Variants in DGKB observed in about 807,000 individuals in gnomAD.
The protein encoded by DGKB is diacylglycerol kinase beta.
A neutral mutation model predicts 114.3 loss-of-function variants in DGKB; 67 were observed. That is an observed-to-expected ratio of 0.59 (90% CI 0.48 to 0.72). DGKB has a LOEUF of 0.72. Among genes scored for constraint, DGKB ranks in the 30% least tolerant of loss-of-function variants. The probability of loss-of-function intolerance (pLI) is 0.00; values close to 1 mark genes in which losing one functional copy is unlikely to be tolerated. For missense variants in DGKB, 907 were observed against 975.2 expected (o/e 0.93, Z 0.93); for synonymous variants, 398 against 323.1 (o/e 1.23, Z -2.49).
intron 21 of DGKB, among the ~76,000 whole-genome samples, chr7:14,474,829 T>G (rs1260823710): frequency 5.9e-5 from 3 of 50,444 alleles, no homozygotes; most frequent in Non-Finnish European, 1.4e-4. Flanking sequence ...AATATTTAGT[T>G]TTTTTTTTTC....
chr7:14,889,644 T>G (rs547490576), intron 1 of DGKB, among the ~76,000 whole-genome samples: 1 of 151,264 alleles, frequency 6.6e-6, no homozygotes, highest in South Asian at 2.1e-4. Context: ...TTTTTCTCAT[T>G]GTAAAAGAAA....
At chr7:14,707,376 T>G (rs1183229962) in intron 6 of DGKB, among the ~76,000 whole-genome samples, 3 of 148,706 alleles carry the variant, frequency 2.0e-5, no homozygotes, top group Non-Finnish European at 4.5e-5. Context: ...ACAGCCGAAT[T>G]CTACCAGAGG....
At chr7:14,440,864 C>A (rs1262836481) in intron 21 of DGKB, among the ~76,000 whole-genome samples, 1 of 152,036 alleles carries the variant, frequency 6.6e-6, no homozygotes, top group Non-Finnish European at 1.5e-5. Flanking sequence ...GCTTTTGCTA[C>A]CTGATTCATG....
chr7:14,716,723 A>G (rs188012287), intron 6 of DGKB, among the ~76,000 whole-genome samples: 1 of 152,246 alleles, frequency 6.6e-6, no homozygotes, highest in Admixed American at 6.6e-5. Flanking sequence ...TATTTAATTG[A>G]CACAGGAAAG....
intron 2 of DGKB, among the ~76,000 whole-genome samples, chr7:14,821,327 A>G (rs1263477457): frequency 6.6e-6 from 1 of 152,194 alleles, no homozygotes; most frequent in African/African-American, 2.4e-5. Flanking sequence ...TAAGTAAACT[A>G]TCTTCAGAAA....
At chr7:14,342,937 T>G (rs1165633152) in intron 22 of DGKB, among the ~76,000 whole-genome samples, 2 of 151,872 alleles carry the variant, frequency 1.3e-5, no homozygotes, top group Non-Finnish European at 2.9e-5. Flanking sequence ...GAGGTTCTGT[T>G]TTTACTGAAG....
intron 20 of DGKB, among the ~76,000 whole-genome samples, chr7:14,548,934 A>T (rs973633190): frequency 2.0e-5 from 3 of 152,020 alleles, no homozygotes; most frequent in Admixed American, 1.3e-4. Flanking sequence ...GTTCTAGATG[A>T]GTGATCTAGG....
intron 2 of DGKB, among the ~76,000 whole-genome samples, chr7:14,767,052 C>T (rs1349272492): frequency 1.3e-5 from 2 of 151,012 alleles, no homozygotes; most frequent in African/African-American, 2.4e-5. Context: ...CAAATATAGG[C>T]AACTCATTCA....
intron 1 of DGKB, among the ~76,000 whole-genome samples, chr7:14,900,916 A>G (rs1462569694): frequency 6.6e-6 from 1 of 152,148 alleles, no homozygotes; most frequent in Non-Finnish European, 1.5e-5. Context: ...GTATTAGGGA[A>G]CTGCTTGCAA....
chr7:14,675,198 A>G (rs1819634757), intron 12 of DGKB, among the ~76,000 whole-genome samples: 1 of 152,106 alleles, frequency 6.6e-6, no homozygotes, highest in South Asian at 2.1e-4. Flanking sequence ...TACAGTGTAA[A>G]GCTAAACACG....
chr7:14,325,511 G>C (rs1056491399), intron 23 of DGKB, among the ~76,000 whole-genome samples: 12 of 152,162 alleles, frequency 7.9e-5, no homozygotes, highest in Non-Finnish European at 1.6e-4. Flanking sequence ...CCTGAAAAGA[G>C]TGAACTGTAC....
intron 1 of DGKB, among the ~76,000 whole-genome samples, chr7:14,895,215 T>A (rs1382204058): frequency 6.6e-6 from 1 of 151,640 alleles, no homozygotes; most frequent in African/African-American, 2.4e-5. Context: ...ATGTGGGAGT[T>A]ATGTTTTTGA....
chr7:14,746,744 C>G (rs1833346198), intron 4 of DGKB, among the ~76,000 whole-genome samples: 1 of 152,202 alleles, frequency 6.6e-6, no homozygotes, highest in Admixed American at 6.5e-5. Flanking sequence ...GGTGATCCAT[C>G]TGCCTCGGCC....
intron 1 of DGKB, among the ~76,000 whole-genome samples, chr7:14,923,983 CAA>C (rs56032330): frequency 0.053 from 4,026 of 76,114 alleles, 142 homozygotes; most frequent in South Asian, 0.11. Context: ...AGCTCCATCT[CAA>C]AAAAAAAAAA....
At chr7:14,838,155 T>C (rs933280917) in intron 2 of DGKB, among the ~76,000 whole-genome samples, 1 of 152,214 alleles carries the variant, frequency 6.6e-6, no homozygotes, top group Non-Finnish European at 1.5e-5. Flanking sequence ...TTATTACTGA[T>C]TTGTGTATTC....
At chr7:14,888,469 G>A (rs905639088) in intron 1 of DGKB, among the ~76,000 whole-genome samples, 3 of 151,610 alleles carry the variant, frequency 2.0e-5, no homozygotes, top group African/African-American at 7.3e-5. Flanking sequence ...GCCGTACATC[G>A]GAAAGTTGTG....
intron 1 of DGKB, among the ~76,000 whole-genome samples, chr7:14,911,541 G>C (rs900544935): frequency 1.3e-5 from 2 of 152,126 alleles, no homozygotes; most frequent in African/African-American, 4.8e-5. Flanking sequence ...TGTCACTGAA[G>C]TTTAATGATT....
At chr7:14,665,999 A>G (rs1326726608) in intron 13 of DGKB, among the ~76,000 whole-genome samples, 1 of 151,992 alleles carries the variant, frequency 6.6e-6, no homozygotes, top group Admixed American at 6.6e-5. Flanking sequence ...AGAGAAACAG[A>G]AGAGAAATTT....
At chr7:14,727,469 T>C (rs1476653838) in intron 5 of DGKB, among the ~76,000 whole-genome samples, 1 of 152,108 alleles carries the variant, frequency 6.6e-6, no homozygotes, top group Non-Finnish European at 1.5e-5. Context: ...ATTAGAAGTA[T>C]GAATTCAATA....
Sources: gnomAD v4.1 joint callset for allele counts (sites outside exome capture counted in the v4.1 genomes callset) on GRCh38, gnomAD v4.1.1 for gene constraint, MANE v1.5 for transcripts, NCBI Gene and HGNC (gene_info 2026-07-23, HGNC 2026-07-21) for gene names.